CREB3L2: variants seen among roughly 807,000 people sequenced by gnomAD.
CREB3L2 encodes the protein cAMP responsive element binding protein 3 like 2.
CREB3L2 carries 23 observed loss-of-function variants against 57.2 expected under a neutral mutation model. That is an observed-to-expected ratio of 0.40 (90% CI 0.29 to 0.57). CREB3L2 has a LOEUF of 0.57. Ranked by LOEUF, CREB3L2 falls within the 20% of genes least tolerant of loss-of-function variation. The pLI is 0.42. For synonymous variants in CREB3L2, 268 were observed against 265.1 expected (o/e 1.01, Z -0.11); for missense variants, 628 against 634.7 (o/e 0.99, Z 0.11).
At chr7:137,883,296 C>T (rs1799338026) in intron 10 of CREB3L2, among the ~76,000 whole-genome samples, 1 of 152,212 alleles carries the variant, frequency 6.6e-6, no homozygotes, top group Non-Finnish European at 1.5e-5. Context: ...ACACACCTGC[C>T]TGGTGAAGAC....
At chr7:137,916,385 A>G (rs868618757) in intron 2 of CREB3L2, among the ~76,000 whole-genome samples, 3 of 152,220 alleles carry the variant, frequency 2.0e-5, no homozygotes, top group African/African-American at 7.2e-5. Context: ...TGTATTATCT[A>G]TTCAAAAATA....
chr7:137,960,126 A>C (rs274005), intron 1 of CREB3L2, among the ~76,000 whole-genome samples: 120,655 of 152,138 alleles, frequency 0.79, 48,094 homozygotes, highest in African/African-American at 0.87. Context: ...TAACCAACCC[A>C]TTAGATAAGT....
chr7:137,928,114 G>T, intron 2 of CREB3L2, 36 bp downstream of exon 2: 1 of 1,499,620 alleles, frequency 6.7e-7, no homozygotes, highest in Non-Finnish European at 9.1e-7. Context: ...AACCAAAGGC[G>T]CTAAGGTCCA....
intron 1 of CREB3L2, among the ~76,000 whole-genome samples, chr7:137,962,982 A>C (rs1401325639): frequency 6.6e-6 from 1 of 152,164 alleles, no homozygotes; most frequent in African/African-American, 2.4e-5. Flanking sequence ...GTGATTTTGG[A>C]TACTGATCTG....
chr7:137,992,573 A>C (rs1801918714), intron 1 of CREB3L2, among the ~76,000 whole-genome samples: 1 of 152,260 alleles, frequency 6.6e-6, no homozygotes, highest in Non-Finnish European at 1.5e-5. Context: ...TCAAACTCCA[A>C]AGATCTGCTT....
At chr7:137,949,099 T>C (rs1801048886) in intron 1 of CREB3L2, among the ~76,000 whole-genome samples, 1 of 152,256 alleles carries the variant, frequency 6.6e-6, no homozygotes. Context: ...ACTCGTCTCA[T>C]GGCAATCTCA....
Position 137,947,806 on chromosome 7 carries a change from T to G in CREB3L2, c.103-19440A>C, listed in dbSNP as rs555752383. Among the ~76,000 whole-genome samples the G allele has an allele frequency of 3.3e-5, 5 of 152,332 alleles. No homozygotes were observed. The South Asian group carries it at 6.2e-4, about 19-fold the overall frequency. ...ACACATTTATATAAGACACATTTCT[T>G]AACTGAAGACCAGTCACAGCCTGGC... On this transcript the variant is annotated intron_variant, in intron 1 of 11. Transcript: ENST00000330387.
intron 1 of CREB3L2, among the ~76,000 whole-genome samples, chr7:137,972,738 G>T (rs60202298): frequency 0.11 from 1,488 of 12,974 alleles, 27 homozygotes; most frequent in East Asian, 0.22. Flanking sequence ...TATATATATA[G>T]AGAGAGAGAG....
At chr7:137,894,450 C>T (rs1799582071) in intron 8 of CREB3L2, among the ~76,000 whole-genome samples, 1 of 152,196 alleles carries the variant, frequency 6.6e-6, no homozygotes, top group Non-Finnish European at 1.5e-5. Flanking sequence ...ATGTCGTGCA[C>T]ACACCAGGCC....
intron 1 of CREB3L2, among the ~76,000 whole-genome samples, chr7:137,970,776 C>T (rs1052509969): frequency 6.6e-6 from 1 of 152,172 alleles, no homozygotes; most frequent in African/African-American, 2.4e-5. Flanking sequence ...GGACAGCAGG[C>T]GTGGGGCCAG....
intron 1 of CREB3L2, among the ~76,000 whole-genome samples, chr7:137,970,934 C>A (rs1170101316): frequency 6.6e-6 from 1 of 152,214 alleles, no homozygotes; most frequent in African/African-American, 2.4e-5. Flanking sequence ...ACCTACACTA[C>A]GGTTACTTTA....
chr7:137,966,811 C>T (rs1801415922), intron 1 of CREB3L2, among the ~76,000 whole-genome samples: 1 of 152,182 alleles, frequency 6.6e-6, no homozygotes, highest in South Asian at 2.1e-4. Context: ...GAGCCGCATA[C>T]TCCTCAAGGT....
chr7:137,878,299 T>A lies in CREB3L2; in HGVS notation c.*2177A>T. ...GTCTGGTTCAGTTGCAGCAGGTACA[T>A]GGGTTGGCTCATTCTCTCACTTCTG... is the stretch of plus-strand genomic sequence containing the variant. On this transcript the variant is annotated 3_prime_UTR_variant, in exon 12 of 12. Transcript: ENST00000330387. The A allele has an allele frequency of 4.3e-6, 1 of 232,930 alleles. No individual in the cohort carries two copies. The highest frequency in any genetic ancestry group is 6.0e-5 in the East Asian group (1 of 16,534). The allele number at this position is 232,930 out of a possible 1,614,324, so 14.4% of individuals were successfully genotyped here.
chr7:137,911,724 G>A (rs1484284412), intron 4 of CREB3L2, among the ~76,000 whole-genome samples: 2 of 152,146 alleles, frequency 1.3e-5, no homozygotes, highest in African/African-American at 2.4e-5. Context: ...TGCAGTCCCC[G>A]CTACTTGGGA....
intron 7 of CREB3L2, among the ~76,000 whole-genome samples, chr7:137,901,882 A>AAAAAAAG (rs1251956692): frequency 2.0e-5 from 3 of 149,472 alleles, no homozygotes; most frequent in Non-Finnish European, 3.0e-5. Flanking sequence ...CTCAAAAAAA[A>AAAAAAAG]AAAAAAAAAA....
intron 1 of CREB3L2, among the ~76,000 whole-genome samples, chr7:137,936,738 C>T (rs893808749): frequency 6.6e-6 from 1 of 152,164 alleles, no homozygotes; most frequent in Non-Finnish European, 1.5e-5. Flanking sequence ...TCCATGGATC[C>T]CGGGCTAAAC....
At chr7:137,908,990 C>T (rs1443871945) in intron 4 of CREB3L2, among the ~76,000 whole-genome samples, 1 of 152,076 alleles carries the variant, frequency 6.6e-6, no homozygotes. Flanking sequence ...GTCCCAGCTA[C>T]TTGGGAGGCT....
chr7:137,898,184 G>A (rs1799666097), intron 8 of CREB3L2, among the ~76,000 whole-genome samples: 1 of 152,176 alleles, frequency 6.6e-6, no homozygotes. Context: ...AGTCATCAGA[G>A]AAACGTAAAT....
intron 1 of CREB3L2, among the ~76,000 whole-genome samples, chr7:137,989,859 G>A (rs1801857403): frequency 6.6e-6 from 1 of 152,030 alleles, no homozygotes; most frequent in African/African-American, 2.4e-5. Flanking sequence ...ATCTCCCATA[G>A]CCCTCATGCC....
Sources: gnomAD v4.1 joint callset for allele counts (sites outside exome capture counted in the v4.1 genomes callset) on GRCh38, gnomAD v4.1.1 for gene constraint, MANE v1.5 for transcripts, NCBI Gene and HGNC (gene_info 2026-07-23, HGNC 2026-07-21) for gene names.